PISD: variants seen among roughly 807,000 people sequenced by gnomAD.
PISD encodes phosphatidylserine decarboxylase proenzyme, mitochondrial.
In PISD, 31 loss-of-function variants were observed where a neutral mutation model predicts 43.5. The observed-to-expected ratio is 0.71, with a 90% CI of 0.54 to 0.96. The LOEUF (loss-of-function observed/expected upper bound fraction) is 0.96, where lower values mean the gene tolerates loss of function less well. PISD is among the 40% of genes least tolerant of loss of function. The probability of loss-of-function intolerance (pLI) is 0.00; values close to 1 mark genes in which losing one functional copy is unlikely to be tolerated. For synonymous variants in PISD, 259 were observed against 228.7 expected (o/e 1.13, Z -1.20); for missense variants, 523 against 548.4 (o/e 0.95, Z 0.46).
At chr22:31,623,597 C>G (rs887353700) in intron 3 of PISD, 50 of 1,314,892 alleles carry the variant, frequency 3.8e-5, no homozygotes, top group Middle Eastern at 2.6e-4. Flanking sequence ...CTTCTGACAG[C>G]TCGCCACCAC....
At chr22:31,626,081 C>T (rs2072893513) in intron 3 of PISD, 3 of 1,387,570 alleles carry the variant, frequency 2.2e-6, no homozygotes, top group South Asian at 1.6e-5. Flanking sequence ...GCTTGCAGTC[C>T]AGTGCAAAAG....
intron 1 of PISD, among the ~76,000 whole-genome samples, chr22:31,652,512 T>TA (rs933525062): frequency 6.6e-6 from 1 of 151,712 alleles, no homozygotes; most frequent in African/African-American, 2.4e-5. Context: ...TTCCTTGCCT[T>TA]ACAAACACCT....
chr22:31,628,450 G>A (rs949398197), intron 3 of PISD, among the ~76,000 whole-genome samples: 2 of 152,218 alleles, frequency 1.3e-5, no homozygotes, highest in African/African-American at 4.8e-5. Context: ...ATCCAGAATG[G>A]AGGAAGCACT....
At chr22:31,648,986 GC>G (rs1347170982) in intron 2 of PISD, among the ~76,000 whole-genome samples, 1 of 152,136 alleles carries the variant, frequency 6.6e-6, no homozygotes, top group Non-Finnish European at 1.5e-5. Context: ...CTTTTATAAT[GC>G]AGGCCCAATT....
At chr22:31,649,389 G>A (rs2073975177) in intron 2 of PISD, among the ~76,000 whole-genome samples, 1 of 152,164 alleles carries the variant, frequency 6.6e-6, no homozygotes, top group South Asian at 2.1e-4. Context: ...TACCTTAGAA[G>A]GTGCCCTTAG....
chr22:31,651,050 G>A (rs773003948), intron 1 of PISD, among the ~76,000 whole-genome samples: 2 of 152,106 alleles, frequency 1.3e-5, no homozygotes, highest in African/African-American at 4.8e-5. Context: ...TCCAACCTCT[G>A]CCTCCCGGGC....
chr22:31,634,854 A>T (rs1408229170), intron 3 of PISD, among the ~76,000 whole-genome samples: 1 of 147,656 alleles, frequency 6.8e-6, no homozygotes, highest in African/African-American at 2.5e-5. Flanking sequence ...AAAAAAAAAA[A>T]ATAGAAAAAG....
chr22:31,655,175 T>C (rs1377142726), intron 1 of PISD, among the ~76,000 whole-genome samples: 2 of 151,826 alleles, frequency 1.3e-5, no homozygotes, highest in Non-Finnish European at 2.9e-5. Context: ...CCAATGCAGC[T>C]TTACAAGAGT....
chr22:31,662,118 A>G (rs746981083), intron 1 of PISD, 26 bp downstream of exon 1: 3 of 1,602,410 alleles, frequency 1.9e-6, no homozygotes, highest in Non-Finnish European at 2.6e-6. Flanking sequence ...CCCACGCCCC[A>G]AGGTAGTCTC....
chr22:31,620,924 AAC>A, intron 6 of PISD, 70 bp downstream of exon 6: 1 of 1,507,292 alleles, frequency 6.6e-7, no homozygotes, highest in Non-Finnish European at 8.9e-7. Flanking sequence ...CTGGTCCCCC[AAC>A]ACCAAGAAGC....
chr22:31,641,205 AT>A (rs1347889167), intron 3 of PISD, among the ~76,000 whole-genome samples: 3 of 151,734 alleles, frequency 2.0e-5, no homozygotes, highest in South Asian at 2.1e-4. Flanking sequence ...TCAGCATATG[AT>A]TTTTTTTCTT....
intron 1 of PISD, among the ~76,000 whole-genome samples, chr22:31,652,020 T>A (rs2074040187): frequency 1.3e-5 from 2 of 152,220 alleles, no homozygotes; most frequent in Non-Finnish European, 2.9e-5. Flanking sequence ...TGGAACCCTT[T>A]ATGATAGAAT....
chr22:31,658,377 A>G (rs11703079), intron 1 of PISD, among the ~76,000 whole-genome samples: 8,828 of 152,220 alleles, frequency 0.058, 464 homozygotes, highest in Admixed American at 0.13. Context: ...AACTCACCTC[A>G]TTAGAAGACA....
At chr22:31,625,602 A>G (rs1056479348) in intron 3 of PISD, 14 of 808,522 alleles carry the variant, frequency 1.7e-5, no homozygotes, top group Non-Finnish European at 2.7e-5. Context: ...TCTCCGACTC[A>G]GGGTGCTCAG....
rs2073131422 is a variant in PISD, at chr22:31,630,176, CAGGCAGCCCAGGAGGCCCTGGGAAGA to C, written c.322-8317_322-8292del. ...GGGCGACATGGACCAGAGTCAGTGGCAGGCAGCCCAGGAGGCCCTGGGAAGAGGGCAGGCAGGACTCGCAGGGGTCT... is the reference window on the plus strand; with the variant it reads ...GGGCGACATGGACCAGAGTCAGTGGCGGGCAGGCAGGACTCGCAGGGGTCT... On this transcript the variant is annotated intron_variant, in intron 3 of 7. Transcript: ENST00000439502. This position sits in a 1 kb window ranked among gnomAD's most constrained non-coding sequence, Gnocchi z 4.4. 6.6e-6 allele frequency among the ~76,000 whole-genome samples: 1 copy of C among 152,034 alleles called. No individual in the cohort carries two copies. Among genetic ancestry groups the C allele is most frequent in the South Asian group, 2.1e-4 (1 of 4,824 alleles).
At chr22:31,655,142 G>GCTGCC (rs1386357837) in intron 1 of PISD, among the ~76,000 whole-genome samples, 4 of 148,590 alleles carry the variant, frequency 2.7e-5, no homozygotes, top group Non-Finnish European at 5.9e-5. Flanking sequence ...TTGGAGAACA[G>GCTGCC]CTGCCCTGCC....
At chr22:31,648,435 T>C (rs1380052030) in intron 2 of PISD, among the ~76,000 whole-genome samples, 159 bp from the exon 3 acceptor site, 1 of 151,954 alleles carries the variant, frequency 6.6e-6, no homozygotes, top group African/African-American at 2.4e-5. Context: ...CTCAGCACTT[T>C]GGGAGGCCGA....
At position 31,619,628 on chromosome 22, in the gene PISD, G is replaced by T. The variant is rs1363652044; in HGVS notation, c.1214C>A (p.Ala405Asp). Residue 405 changes from alanine (A) to aspartate (D), a missense_variant, in exon 8 of 8, where the codon GCC becomes GAC. Ala to Asp is a moderately radical substitution (Grantham distance 126). Coordinates refer to ENST00000439502, the MANE Select transcript of PISD (RefSeq NM_001326411.2). ...KTGQKIRFGE[A>D]LGSL ...AAAGAGACTCTAGAGCGAGCCCAGGGCTTCCCCAAAGCGGATTTTCTGTCC... is the reference window on the plus strand; with the variant it reads ...AAAGAGACTCTAGAGCGAGCCCAGGTCTTCCCCAAAGCGGATTTTCTGTCC... 1 of 1,613,774 alleles carries T rather than the reference G, an allele frequency of 6.2e-7. No individual in the cohort carries two copies. The highest frequency in any genetic ancestry group is 8.5e-7 in the Non-Finnish European group (1 of 1,179,666).
intron 1 of PISD, among the ~76,000 whole-genome samples, chr22:31,659,112 C>T (rs555261621): frequency 5.3e-5 from 8 of 152,112 alleles, no homozygotes; most frequent in Non-Finnish European, 1.2e-4. Context: ...CCTTAGCCTC[C>T]CAAAATGCTG....
Sources: allele counts gnomAD v4.1 joint callset (sites outside exome capture counted in the v4.1 genomes callset), GRCh38; gene constraint gnomAD v4.1.1; non-coding constraint Gnocchi (gnomAD v3.1); transcripts MANE v1.5; gene names NCBI Gene and HGNC (gene_info 2026-07-23, HGNC 2026-07-21).